Variants in CCSER1 observed in about 807,000 individuals in gnomAD.
CCSER1 encodes coiled-coil serine rich protein 1, also known as serine-rich coiled-coil domain-containing protein 1.
Under a neutral mutation model 82.0 loss-of-function variants are expected in CCSER1, and 41 were observed. The observed-to-expected ratio is 0.50, with a 90% CI of 0.39 to 0.65. The LOEUF is 0.65. CCSER1 is among the 30% of genes least tolerant of loss of function. The pLI, the probability that CCSER1 is intolerant of heterozygous loss-of-function variation, is 0.00. For synonymous variants in CCSER1, 414 were observed against 383.9 expected (o/e 1.08, Z -0.92); for missense variants, 1,119 against 1,064.2 (o/e 1.05, Z -0.72).
chr4:90,439,180 G>A (rs1370498730), intron 4 of CCSER1, among the ~76,000 whole-genome samples: 2 of 152,096 alleles, frequency 1.3e-5, no homozygotes, highest in East Asian at 1.9e-4. Flanking sequence ...CCAGCTACTC[G>A]GGAGTGCTGA....
chr4:91,503,117 C>T (rs113237696), intron 10 of CCSER1, among the ~76,000 whole-genome samples: 9,920 of 151,860 alleles, frequency 0.065, 451 homozygotes, highest in South Asian at 0.17. Context: ...CCGAGGCGGG[C>T]GGATCACGAG....
chr4:90,908,757 G>A (rs1027178954), intron 8 of CCSER1, among the ~76,000 whole-genome samples: 14 of 151,992 alleles, frequency 9.2e-5, no homozygotes, highest in African/African-American at 3.4e-4. Context: ...CTACTCTATT[G>A]GAATGGAAAA....
At chr4:90,765,131 C>T (rs572443862) in intron 7 of CCSER1, among the ~76,000 whole-genome samples, 1 of 152,040 alleles carries the variant, frequency 6.6e-6, no homozygotes, top group East Asian at 1.9e-4. Context: ...GCAAATAGGT[C>T]GCTAACTCAC....
intron 1 of CCSER1, among the ~76,000 whole-genome samples, chr4:90,247,294 A>G (rs1243996842): frequency 6.6e-6 from 1 of 152,204 alleles, no homozygotes; most frequent in African/African-American, 2.4e-5. Context: ...AATCTTTATC[A>G]AATTCTTATC....
chr4:90,266,802 C>CAAGCCT (rs1188249586), intron 1 of CCSER1, among the ~76,000 whole-genome samples: 1 of 152,032 alleles, frequency 6.6e-6, no homozygotes, highest in Non-Finnish European at 1.5e-5. Context: ...AGCCTCATCA[C>CAAGCCT]CATTGGCTAA....
At chr4:90,425,768 G>A (rs1436638153) in intron 4 of CCSER1, among the ~76,000 whole-genome samples, 1 of 152,084 alleles carries the variant, frequency 6.6e-6, no homozygotes, top group Non-Finnish European at 1.5e-5. Context: ...TGTTGGCAGA[G>A]CTTACAAAGT....
intron 1 of CCSER1, among the ~76,000 whole-genome samples, chr4:90,273,065 T>C (rs1339749707): frequency 2.0e-5 from 3 of 151,788 alleles, no homozygotes; most frequent in Non-Finnish European, 4.4e-5. Flanking sequence ...TGTAGCAACA[T>C]GGATGGAACT....
At chr4:90,932,981 AG>A (rs1272411638) in intron 9 of CCSER1, among the ~76,000 whole-genome samples, 1 of 22,558 alleles carries the variant, frequency 4.4e-5, no homozygotes. Flanking sequence ...AAAGAAAGAA[AG>A]AGAAAGAAAG....
chr4:91,177,525 A>G (rs952499699), intron 10 of CCSER1, among the ~76,000 whole-genome samples: 1 of 152,124 alleles, frequency 6.6e-6, no homozygotes, highest in Non-Finnish European at 1.5e-5. Context: ...CAGGGATTCA[A>G]CTTCTTCCTG....
intron 10 of CCSER1, chr4:91,319,556 C>G: frequency 2.4e-6 from 1 of 417,262 alleles, no homozygotes; most frequent in Admixed American, 2.7e-5. Context: ...AAATTGCTAT[C>G]CTGTGAAAGA....
intron 8 of CCSER1, among the ~76,000 whole-genome samples, chr4:90,845,359 T>TAAAAAAAAAAAAAA (rs886923723): frequency 1.0e-5 from 1 of 96,586 alleles, no homozygotes. Context: ...AGACGCCATC[T>TAAAAAAAAAAAAAA]AAAAAAAAAA....
At chr4:90,474,083 G>C (rs1356572932) in intron 5 of CCSER1, among the ~76,000 whole-genome samples, 1 of 151,256 alleles carries the variant, frequency 6.6e-6, no homozygotes, top group Non-Finnish European at 1.5e-5. Context: ...GGAGGTTGCA[G>C]TGAGCCGAGA....
chr4:90,567,891 G>A (rs1560733224), intron 5 of CCSER1, among the ~76,000 whole-genome samples: 1 of 152,162 alleles, frequency 6.6e-6, no homozygotes, highest in African/African-American at 2.4e-5. Context: ...ATAGGCATGA[G>A]CCATTATTCC....
chr4:91,535,262 T>C (rs1761237697), intron 10 of CCSER1, among the ~76,000 whole-genome samples: 1 of 152,056 alleles, frequency 6.6e-6, no homozygotes, highest in African/African-American at 2.4e-5. Flanking sequence ...TTAGCCAATT[T>C]ATGACATTAA....
At chr4:90,788,989 G>A (rs1407517667) in intron 7 of CCSER1, among the ~76,000 whole-genome samples, 2 of 136,122 alleles carry the variant, frequency 1.5e-5, no homozygotes, top group African/African-American at 5.7e-5. Context: ...ACTTGATTAA[G>A]CTTTTCTATC....
chr4:90,387,812 C>G (rs766697173), intron 3 of CCSER1, among the ~76,000 whole-genome samples: 3 of 152,158 alleles, frequency 2.0e-5, no homozygotes, highest in African/African-American at 7.2e-5. Context: ...AGTTTCTACC[C>G]TATGTGTCTT....
At chr4:90,268,811 A>G (rs1360861839) in intron 1 of CCSER1, among the ~76,000 whole-genome samples, 2 of 152,222 alleles carry the variant, frequency 1.3e-5, no homozygotes, top group East Asian at 3.9e-4. Context: ...AATGTACTTC[A>G]CCTATAAAGA....
intron 7 of CCSER1, chr4:90,727,133 T>G: frequency 2.4e-6 from 1 of 420,692 alleles, no homozygotes; most frequent in South Asian, 1.7e-5. Flanking sequence ...CTTTATAAAC[T>G]ATTGTTATGG....
chr4:91,157,767 C>T (rs1456936326), intron 10 of CCSER1, among the ~76,000 whole-genome samples: 1 of 151,922 alleles, frequency 6.6e-6, no homozygotes, highest in Admixed American at 6.6e-5. Context: ...GAACCCTATC[C>T]CCCTGGCATA....
Sources: gnomAD v4.1 joint callset for allele counts (sites outside exome capture counted in the v4.1 genomes callset) on GRCh38, gnomAD v4.1.1 for gene constraint, MANE v1.5 for transcripts, NCBI Gene and HGNC (gene_info 2026-07-23, HGNC 2026-07-21) for gene names.